The following DSE variants were observed in gnomAD, a reference collection of about 807,000 sequenced individuals.
DSE encodes the protein dermatan-sulfate epimerase.
In DSE, 36 loss-of-function variants were observed where a neutral mutation model predicts 84.4. The ratio of observed to expected loss-of-function variants is 0.43; its 90% CI spans 0.33 to 0.56. DSE has a LOEUF of 0.56. Ranked by LOEUF, DSE falls within the 20% of genes least tolerant of loss-of-function variation. The pLI, the probability that DSE is intolerant of heterozygous loss-of-function variation, is 0.06. For synonymous variants in DSE, 410 were observed against 430.1 expected (o/e 0.95, Z 0.58); for missense variants, 862 against 1,169.6 (o/e 0.74, Z 3.84).
At chr6:116,257,637 A>C (rs554184936) in intron 1 of DSE, among the ~76,000 whole-genome samples, 8 of 152,284 alleles carry the variant, frequency 5.3e-5, no homozygotes, top group Admixed American at 5.2e-4. Context: ...CTACATCCTG[A>C]TTCTTAGACT....
chr6:116,300,017 C>T (rs1020083152), intron 2 of DSE, among the ~76,000 whole-genome samples: 9 of 152,060 alleles, frequency 5.9e-5, no homozygotes, highest in South Asian at 4.1e-4. Context: ...TTATTCAAAC[C>T]GTTTTTAAAT....
intron 2 of DSE, chr6:116,280,247 T>C (rs1773437902): frequency 3.5e-6 from 1 of 284,302 alleles, no homozygotes. Flanking sequence ...TCTTCACTTT[T>C]TTGAGGCAGG....
At chr6:116,348,981 G>C (rs1428259433) in intron 2 of DSE, among the ~76,000 whole-genome samples, 1 of 151,894 alleles carries the variant, frequency 6.6e-6, no homozygotes, top group African/African-American at 2.4e-5. Flanking sequence ...GGTGGGTGGA[G>C]GGGGGAGGGA....
chr6:116,327,816 A>G (rs1209595857), intron 2 of DSE, among the ~76,000 whole-genome samples: 2 of 152,222 alleles, frequency 1.3e-5, no homozygotes, highest in African/African-American at 4.8e-5. Context: ...GTGTGTTACT[A>G]CAAAAACTGT....
At chr6:116,279,942 G>C (rs751345206) in intron 2 of DSE, 230 of 1,506,422 alleles carry the variant, frequency 1.5e-4, no homozygotes, top group Non-Finnish European at 2.0e-4. Context: ...ACATTTCAGC[G>C]GCGGTGTCGT....
intron 2 of DSE, among the ~76,000 whole-genome samples, chr6:116,289,270 A>T (rs1774131149): frequency 6.6e-6 from 1 of 152,070 alleles, no homozygotes; most frequent in Admixed American, 6.6e-5. Context: ...TTTAAAAATA[A>T]TGTACATGAA....
chr6:116,427,038 T>C (rs530130470), intron 3 of DSE, among the ~76,000 whole-genome samples: 2 of 152,240 alleles, frequency 1.3e-5, no homozygotes, highest in African/African-American at 4.8e-5. Flanking sequence ...CGGCATGTTA[T>C]CTAATTATGG....
At chr6:116,273,485 A>G (rs946308601) in intron 2 of DSE, among the ~76,000 whole-genome samples, 12 of 152,174 alleles carry the variant, frequency 7.9e-5, no homozygotes, top group African/African-American at 2.9e-4. Flanking sequence ...CTCCCATAAT[A>G]ATAAATGCAT....
upstream of DSE, among the ~76,000 whole-genome samples, chr6:116,368,114 CTG>C (rs1779266329): frequency 6.6e-6 from 1 of 152,196 alleles, no homozygotes; most frequent in Non-Finnish European, 1.5e-5. Flanking sequence ...CATCTGCTGT[CTG>C]TTTGGAGCTG....
At chr6:116,427,689 A>G (rs1562306059) in intron 3 of DSE, among the ~76,000 whole-genome samples, 1 of 152,198 alleles carries the variant, frequency 6.6e-6, no homozygotes, top group East Asian at 1.9e-4. Context: ...TCCATATTTT[A>G]TTCAATTCTC....
At chr6:116,372,360 C>T (rs951862886) in intron 1 of DSE, among the ~76,000 whole-genome samples, 13 of 151,936 alleles carry the variant, frequency 8.6e-5, no homozygotes, top group Non-Finnish European at 1.9e-4. Flanking sequence ...CCCAGCTACT[C>T]GGGAGGCTGA....
In DSE at chr6:116,444,768, G is replaced by A. The variant is rs1020595985; in HGVS notation, c.*7423G>A. On this transcript the variant is annotated 3_prime_UTR_variant, in exon 6 of 6. Transcript: ENST00000644252. ...GATGGCCATCTGTAAACCAGGAAGT[G>A]AGTCCTCACCAGATACCACATCTGT... 2 of 152,188 alleles carry A rather than the reference G, an allele frequency of 1.3e-5. No individual in the cohort carries two copies. The highest frequency in any genetic ancestry group is 2.4e-5 in the African/African-American group (1 of 41,408). The allele number at this position is 152,188 out of a possible 1,614,324, so 9.4% of individuals were successfully genotyped here. A position where few individuals can be genotyped will look rare whatever the true frequency, so the allele number is the denominator to read the frequency against.
intron 2 of DSE, among the ~76,000 whole-genome samples, chr6:116,424,153 C>G (rs904693998): frequency 1.3e-5 from 2 of 152,156 alleles, no homozygotes; most frequent in African/African-American, 4.8e-5. Flanking sequence ...TACAATGACA[C>G]AAGTTGGGAA....
intron 2 of DSE, among the ~76,000 whole-genome samples, chr6:116,276,133 T>C (rs1484676424): frequency 1.3e-5 from 2 of 152,040 alleles, no homozygotes; most frequent in African/African-American, 2.4e-5. Context: ...ATCTCCTCTA[T>C]GGGGAACAGA....
chr6:116,256,794 A>C (rs1023050403), intron 1 of DSE: 1 of 152,224 alleles, frequency 6.6e-6, no homozygotes, highest in African/African-American at 2.4e-5. Context: ...GATATATAAT[A>C]GTAGCTATGA....
chr6:116,277,846 G>T (rs1287806886), intron 2 of DSE: 2 of 146,148 alleles, frequency 1.4e-5, no homozygotes, highest in Admixed American at 7.0e-5. Context: ...AGGTTGCAGT[G>T]AGCCGAGATC....
intron 2 of DSE, among the ~76,000 whole-genome samples, chr6:116,362,875 G>A (rs1475767411): frequency 6.6e-6 from 1 of 152,194 alleles, no homozygotes; most frequent in Non-Finnish European, 1.5e-5. Context: ...AACAAATGAA[G>A]TAGAATGGTT....
rs141245886 is a variant in DSE, at chr6:116,379,972, G to C, written c.-54+8851G>C. On this transcript the variant is annotated intron_variant, in intron 1 of 5. Coordinates refer to ENST00000644252, the MANE Select transcript of DSE (RefSeq NM_013352.4). Reference sequence around the variant, plus strand: ...AAGGAAGTGGAGTTAGTGGTGTTAGGGTGGTTATATTACAGATCCTAGGGT... The same window carrying C: ...AAGGAAGTGGAGTTAGTGGTGTTAGCGTGGTTATATTACAGATCCTAGGGT... Among the ~76,000 whole-genome samples the C allele has an allele frequency of 4.4e-3, 664 of 152,170 alleles. 5 individuals are homozygous for C. The highest frequency in any genetic ancestry group is 0.015 in the African/African-American group (623 of 41,526).
rs188795922 is a variant in DSE at position 116,365,270 on chromosome 6, G to C, written c.-53-33928G>C. On this transcript the variant is annotated intron_variant, in intron 2 of 3. Coordinates refer to the DSE transcript ENST00000430252. Reference sequence around the variant, plus strand: ...GGGGCATCGGAAGTTCTTTTTTTGTGGGGGGGATGGAGTCTTGCTCTATCG... The same window carrying C: ...GGGGCATCGGAAGTTCTTTTTTTGTCGGGGGGATGGAGTCTTGCTCTATCG... Among the ~76,000 whole-genome samples the C allele has an allele frequency of 6.0e-5, 9 of 150,534 alleles. No homozygotes were observed. The East Asian group carries it at 1.8e-3, about 30-fold the overall frequency.
Sources: gnomAD v4.1 joint callset for allele counts (sites outside exome capture counted in the v4.1 genomes callset) on GRCh38, gnomAD v4.1.1 for gene constraint, MANE v1.5 for transcripts, NCBI Gene and HGNC (gene_info 2026-07-23, HGNC 2026-07-21) for gene names.